Variants in SEL1L observed in about 807,000 individuals in gnomAD.
SEL1L encodes the protein protein sel-1 homolog 1.
In SEL1L, 52 loss-of-function variants were observed where a neutral mutation model predicts 109.8. That is an observed-to-expected ratio of 0.47 (90% CI 0.38 to 0.60). The LOEUF (loss-of-function observed/expected upper bound fraction) is 0.60, where lower values mean the gene tolerates loss of function less well. SEL1L is among the 20% of genes least tolerant of loss of function. The pLI is 0.00. For synonymous variants in SEL1L, 373 were observed against 339.6 expected, an observed-to-expected ratio of 1.10 and a Z score of -1.08; for missense variants, 749 against 962.2, an observed-to-expected ratio of 0.78 and a Z score of 2.93.
At chr14:81,533,073 A>G (rs1233898119) in intron 1 of SEL1L, among the ~76,000 whole-genome samples, 1 of 152,216 alleles carries the variant, frequency 6.6e-6, no homozygotes, top group Non-Finnish European at 1.5e-5. Flanking sequence ...TCATAAAATG[A>G]CTGTCAACAA....
Position 81,487,949 on chromosome 14 carries a change from A to G in SEL1L, c.1396-7T>C. 2 of 1,608,576 alleles carry G rather than the reference A, an allele frequency of 1.2e-6. No individual in the cohort carries two copies. The highest frequency in any genetic ancestry group is 8.5e-7 in the Non-Finnish European group (1 of 1,175,692). On this transcript the variant is annotated splice_region_variant and splice_polypyrimidine_tract_variant and intron_variant, in intron 14 of 20. Coordinates refer to ENST00000336735, the MANE Select transcript of SEL1L (RefSeq NM_005065.6). ...TAAGGGCTAGATCATAATTCTGTAGAAAAAGATGTCATATGATGAGAAAGC... is the reference window on the plus strand; with the variant it reads ...TAAGGGCTAGATCATAATTCTGTAGGAAAAGATGTCATATGATGAGAAAGC...
intron 19 of SEL1L, among the ~76,000 whole-genome samples, chr14:81,483,193 A>G (rs963623294): frequency 3.3e-5 from 5 of 152,228 alleles, no homozygotes; most frequent in African/African-American, 1.2e-4. Context: ...CTAGTCATAC[A>G]TTTAAAAAAA....
chr14:81,472,548 G>A lies in SEL1L; in HGVS notation c.*4424C>T, dbSNP rs1212365290. The A allele has an allele frequency of 2.2e-6, 1 of 445,646 alleles. No homozygotes were observed. The highest frequency in any genetic ancestry group is 4.4e-6 in the Non-Finnish European group (1 of 225,938). 27.6% of individuals were successfully genotyped at this position (445,646 alleles called of 1,614,324 possible). On this transcript the variant is annotated 3_prime_UTR_variant, in exon 21 of 21. Coordinates refer to ENST00000336735, the MANE Select transcript of SEL1L (RefSeq NM_005065.6). Reference sequence around the variant, plus strand: ...TATTTAGTCTAAATGTTACTGTGTGGTACGTGTCTCTGCAAGTCCTCTTAA... The same window carrying A: ...TATTTAGTCTAAATGTTACTGTGTGATACGTGTCTCTGCAAGTCCTCTTAA...
intron 12 of SEL1L, among the ~76,000 whole-genome samples, chr14:81,490,920 A>G (rs997079802): frequency 1.3e-5 from 2 of 152,192 alleles, no homozygotes; most frequent in Non-Finnish European, 2.9e-5. Context: ...CAAACAAACA[A>G]AAAAAACAAA....
At chr14:81,532,245 G>C (rs1885356727) in intron 1 of SEL1L, among the ~76,000 whole-genome samples, 1 of 152,166 alleles carries the variant, frequency 6.6e-6, no homozygotes, top group Admixed American at 6.5e-5. Flanking sequence ...CATTACTGTA[G>C]TTCTCTTTAG....
At chr14:81,494,104 C>T (rs1883646875) in intron 11 of SEL1L, among the ~76,000 whole-genome samples, 1 of 152,192 alleles carries the variant, frequency 6.6e-6, no homozygotes, top group South Asian at 2.1e-4. Context: ...TCGACTACCT[C>T]TGAACACACT....
chr14:81,483,411 C>A lies in SEL1L; in HGVS notation c.2046+814G>T, dbSNP rs982966213. Among the ~76,000 whole-genome samples the A allele has an allele frequency of 5.3e-5, 8 of 152,086 alleles. No homozygotes were observed. In the East Asian group the frequency reaches 1.2e-3, roughly 22 times the overall value. ...CACTTAGATCACTGGTAATAAAATTCAAAATGAATTTATACACTTGTTTGT... is the reference window on the plus strand; with the variant it reads ...CACTTAGATCACTGGTAATAAAATTAAAAATGAATTTATACACTTGTTTGT... On this transcript the variant is annotated intron_variant, in intron 19 of 20. Transcript: ENST00000336735.
At chr14:81,510,508 C>CTATATATA (rs1341079977) in intron 3 of SEL1L, among the ~76,000 whole-genome samples, 35 of 116,450 alleles carry the variant, frequency 3.0e-4, no homozygotes, top group East Asian at 8.2e-4. Context: ...CTCTCTCTCT[C>CTATATATA]TCTCTCTATA....
At chr14:81,503,256 C>T (rs935427386) in intron 5 of SEL1L, among the ~76,000 whole-genome samples, 1 of 152,196 alleles carries the variant, frequency 6.6e-6, no homozygotes, top group Non-Finnish European at 1.5e-5. Context: ...GGATTACAGG[C>T]GTGAGCCACC....
intron 3 of SEL1L, among the ~76,000 whole-genome samples, chr14:81,512,902 T>C (rs149418993): frequency 1.3e-5 from 2 of 152,340 alleles, no homozygotes; most frequent in African/African-American, 2.4e-5. Context: ...TAGTTATCTT[T>C]TGAAAGACCG....
At chr14:81,512,772 A>T (rs974560636) in intron 3 of SEL1L, among the ~76,000 whole-genome samples, 1 of 152,236 alleles carries the variant, frequency 6.6e-6, no homozygotes, top group African/African-American at 2.4e-5. Context: ...TGGGTATTCT[A>T]TAATAGGGAA....
chr14:81,500,413 T>A (rs1287478847), intron 6 of SEL1L, among the ~76,000 whole-genome samples: 1 of 151,790 alleles, frequency 6.6e-6, no homozygotes, highest in Non-Finnish European at 1.5e-5. Flanking sequence ...CCTTTTTGTA[T>A]TTTTAGTAGA....
At chr14:81,493,900 G>A (rs1347733765) in intron 11 of SEL1L, among the ~76,000 whole-genome samples, 1 of 152,140 alleles carries the variant, frequency 6.6e-6, no homozygotes, top group African/African-American at 2.4e-5. Context: ...AAGTCTACCT[G>A]TACCACCTAA....
intron 19 of SEL1L, among the ~76,000 whole-genome samples, chr14:81,480,109 G>T (rs770682202): frequency 6.6e-6 from 1 of 152,100 alleles, no homozygotes; most frequent in Non-Finnish European, 1.5e-5. Flanking sequence ...GCAACGTCTG[G>T]TTTCAGTTCT....
intron 19 of SEL1L, among the ~76,000 whole-genome samples, chr14:81,483,437 T>A (rs1210636926): frequency 6.6e-6 from 1 of 152,180 alleles, no homozygotes; most frequent in Non-Finnish European, 1.5e-5. Context: ...ACTTGTTTGT[T>A]TCAGGTAAGT....
At position 81,519,724 on chromosome 14, in the gene SEL1L, C is replaced by G. The variant is rs112200811; in HGVS notation, c.340+7009G>C. On this transcript the variant is annotated intron_variant, in intron 3 of 20. Coordinates refer to ENST00000336735, the MANE Select transcript of SEL1L (RefSeq NM_005065.6). The stretch of plus-strand genomic sequence containing the variant: ...CTTACATATAGTAAACACTTTGGTT[C>G]AGGAACCACTTCAGAAAGGAGAAAA... Among the ~76,000 whole-genome samples the G allele has an allele frequency of 9.9e-3, 1,507 of 151,636 alleles. 22 individuals carry two copies. The highest frequency in any genetic ancestry group is 0.035 in the African/African-American group (1,419 of 40,906).
rs745697322 is a variant in SEL1L, at chr14:81,487,246, C to A, written c.1632+144G>T. Reference sequence around the variant, plus strand: ...GTATGGTAATTACACACAGACCCCTCGGTCTTCCCTCAGTATATCAAAGCT... The same window carrying A: ...GTATGGTAATTACACACAGACCCCTAGGTCTTCCCTCAGTATATCAAAGCT... On this transcript the variant is annotated intron_variant, in intron 16 of 20. Transcript: ENST00000336735. 4.6e-6 allele frequency: 3 copies of A among 656,162 alleles called. No individual in the cohort carries two copies. In the South Asian group the frequency reaches 7.3e-5, roughly 16 times the overall value. The allele number at this position is 656,162 out of a possible 1,614,324, so 40.6% of individuals were successfully genotyped here. A position where few individuals can be genotyped will look rare whatever the true frequency, so the allele number is the denominator to read the frequency against.
intron 10 of SEL1L, 61 bp downstream of exon 10, chr14:81,497,831 C>A: frequency 6.7e-7 from 1 of 1,486,358 alleles, no homozygotes; most frequent in South Asian, 1.3e-5. Context: ...TTGCTCCCGT[C>A]CCCCACAGAT....
chr14:81,507,296 G>A (rs1379920528), intron 3 of SEL1L, among the ~76,000 whole-genome samples: 2 of 152,172 alleles, frequency 1.3e-5, no homozygotes, highest in Admixed American at 6.5e-5. Flanking sequence ...GATGCAAGGT[G>A]ACCAGTTTAA....
Sources: allele counts gnomAD v4.1 joint callset (sites outside exome capture counted in the v4.1 genomes callset), GRCh38; gene constraint gnomAD v4.1.1; transcripts MANE v1.5; gene names NCBI Gene and HGNC (gene_info 2026-07-23, HGNC 2026-07-21).